Variants in NRG2 observed in about 807,000 individuals in gnomAD.
NRG2 encodes the protein neuregulin 2.
A neutral mutation model predicts 73.9 loss-of-function variants in NRG2; 27 were observed. The ratio of observed to expected loss-of-function variants is 0.37; its 90% CI spans 0.27 to 0.50. The LOEUF is 0.50. Among genes scored for constraint, NRG2 ranks in the 20% least tolerant of loss-of-function variants. The pLI, the probability that NRG2 is intolerant of heterozygous loss-of-function variation, is 0.96. For synonymous variants in NRG2, 532 were observed against 541.0 expected (o/e 0.98, Z 0.23); for missense variants, 1,126 against 1,210.1 (o/e 0.93, Z 1.03).
chr5:139,964,204 C>T (rs1014882625), intron 1 of NRG2, among the ~76,000 whole-genome samples: 2 of 152,254 alleles, frequency 1.3e-5, no homozygotes, highest in African/African-American at 4.8e-5. Flanking sequence ...AAAAGCAGAT[C>T]AAAGAAAGGT....
chr5:140,014,385 C>T (rs1342691401), intron 1 of NRG2, among the ~76,000 whole-genome samples: 3 of 152,050 alleles, frequency 2.0e-5, no homozygotes, highest in Non-Finnish European at 4.4e-5. Flanking sequence ...TACAGGCATG[C>T]ACCACCATGC....
At chr5:139,999,095 G>T (rs139046074) in intron 1 of NRG2, among the ~76,000 whole-genome samples, 2,115 of 152,248 alleles carry the variant, frequency 0.014, 21 homozygotes, top group Non-Finnish European at 0.021. Context: ...GCTAGCTGGA[G>T]TTCCTCATCC....
intron 1 of NRG2, among the ~76,000 whole-genome samples, chr5:139,987,796 C>T (rs570697345): frequency 2.4e-5 from 3 of 123,818 alleles, no homozygotes; most frequent in Non-Finnish European, 3.2e-5. Flanking sequence ...TTTTTTGAGA[C>T]GAGAGTCTCA....
intron 2 of NRG2, among the ~76,000 whole-genome samples, chr5:139,886,676 C>G (rs1262438214): frequency 6.6e-6 from 1 of 152,214 alleles, no homozygotes; most frequent in Admixed American, 6.5e-5. Flanking sequence ...CTAGCGGCTT[C>G]TCTGGTGCCA....
chr5:139,855,538 G>A (rs1233803707), intron 6 of NRG2, 138 bp downstream of exon 6: 2 of 711,214 alleles, frequency 2.8e-6, no homozygotes, highest in African/African-American at 1.7e-5. Context: ...CAGCTACAGA[G>A]GCCCCCGAGG....
At chr5:139,892,295 C>T (rs562045338) in intron 1 of NRG2, among the ~76,000 whole-genome samples, 1 of 152,298 alleles carries the variant, frequency 6.6e-6, no homozygotes, top group East Asian at 1.9e-4. Context: ...CAAGATGGCC[C>T]TGGATTGGTT....
Position 139,851,453 on chromosome 5 carries a change from C to T in NRG2, c.1772+151G>A. 1.4e-6 allele frequency: 1 copy of T among 731,782 alleles called. No homozygotes were observed. The allele number at this position is 731,782 out of a possible 1,614,324, so 45.3% of individuals were successfully genotyped here. On this transcript the variant is annotated intron_variant, in intron 9 of 9. Coordinates refer to ENST00000361474, the MANE Select transcript of NRG2 (RefSeq NM_004883.3). The surrounding 1 kb of genome is among the most constrained non-coding windows in gnomAD (Gnocchi z 4.2). The stretch of plus-strand genomic sequence containing the variant: ...AACATGCCGATGGCTCTGAGCAGGC[C>T]ATTTCACCTTTTCTAGGACCTTGTT...
At chr5:140,036,440 G>T (rs1218848901) in intron 1 of NRG2, among the ~76,000 whole-genome samples, 4 of 152,030 alleles carry the variant, frequency 2.6e-5, no homozygotes, top group Non-Finnish European at 4.4e-5. Flanking sequence ...AACCTGACAT[G>T]GAGCTCTAGT....
chr5:140,027,446 G>A (rs1760783984), intron 1 of NRG2, among the ~76,000 whole-genome samples: 1 of 152,200 alleles, frequency 6.6e-6, no homozygotes, highest in Non-Finnish European at 1.5e-5. Flanking sequence ...GTCTAAGGCA[G>A]TAAACCCCAA....
chr5:140,001,224 T>C (rs1455886351), intron 1 of NRG2, among the ~76,000 whole-genome samples: 1 of 152,184 alleles, frequency 6.6e-6, no homozygotes, highest in Admixed American at 6.5e-5. Context: ...ATAACTAGCC[T>C]AAAAAAGCTT....
At chr5:139,922,336 G>A (rs1751735683) in intron 1 of NRG2, among the ~76,000 whole-genome samples, 1 of 152,238 alleles carries the variant, frequency 6.6e-6, no homozygotes, top group South Asian at 2.1e-4. Flanking sequence ...TGGCAAATAA[G>A]CATATGAGAA....
intron 1 of NRG2, among the ~76,000 whole-genome samples, chr5:139,969,061 C>G (rs1755790600): frequency 2.0e-5 from 3 of 152,238 alleles, no homozygotes; most frequent in Non-Finnish European, 2.9e-5. Flanking sequence ...GCCCACAGTC[C>G]TAGCCTAGAA....
At chr5:140,010,282 A>C (rs907469015) in intron 1 of NRG2, among the ~76,000 whole-genome samples, 9 of 151,594 alleles carry the variant, frequency 5.9e-5, no homozygotes, top group Non-Finnish European at 1.0e-4. Flanking sequence ...TGAGTGACAC[A>C]GCGAGACTGT....
intron 1 of NRG2, among the ~76,000 whole-genome samples, chr5:139,907,118 G>A (rs886849208): frequency 1.3e-5 from 2 of 152,172 alleles, no homozygotes; most frequent in Non-Finnish European, 2.9e-5. Context: ...AGGTGTGTGT[G>A]TGTACACGTG....
chr5:139,947,197 C>T (rs1753857328), intron 1 of NRG2, among the ~76,000 whole-genome samples: 1 of 152,112 alleles, frequency 6.6e-6, no homozygotes, highest in Non-Finnish European at 1.5e-5. Context: ...AATTTTAGAA[C>T]ATTTTATCAA....
Position 139,861,125 on chromosome 5 carries a change from G to C in NRG2, c.1189+4424C>G, listed in dbSNP as rs372347315. Reference sequence around the variant, plus strand: ...GGTAAGCCATAATCCCTGTTTCCTTGTCTGTCCAAAGTGCTTGCACACAGC... The same window carrying C: ...GGTAAGCCATAATCCCTGTTTCCTTCTCTGTCCAAAGTGCTTGCACACAGC... On this transcript the variant is annotated intron_variant, in intron 5 of 9. Coordinates refer to ENST00000361474, the MANE Select transcript of NRG2 (RefSeq NM_004883.3). Among the ~76,000 whole-genome samples, 20 of 152,298 alleles carry C rather than the reference G, an allele frequency of 1.3e-4. No individual in the cohort carries two copies. In the East Asian group the frequency reaches 2.9e-3, roughly 22 times the overall value.
At chr5:139,970,957 T>C (rs940011768) in intron 1 of NRG2, among the ~76,000 whole-genome samples, 1 of 152,150 alleles carries the variant, frequency 6.6e-6, no homozygotes, top group Non-Finnish European at 1.5e-5. Flanking sequence ...CTTTTTTTTT[T>C]ATTTTTTCCC....
At chr5:139,940,812 T>G (rs751962716) in intron 1 of NRG2, among the ~76,000 whole-genome samples, 1 of 152,134 alleles carries the variant, frequency 6.6e-6, no homozygotes, top group Non-Finnish European at 1.5e-5. Flanking sequence ...TTTTCCATCA[T>G]GCATTCTTGG....
intron 1 of NRG2, among the ~76,000 whole-genome samples, chr5:139,908,497 C>T (rs970403036): frequency 5.3e-5 from 8 of 152,206 alleles, no homozygotes; most frequent in African/African-American, 1.9e-4. Context: ...TCACTTAATT[C>T]TTCACAACAC....
Sources: allele counts gnomAD v4.1 joint callset (sites outside exome capture counted in the v4.1 genomes callset), GRCh38; gene constraint gnomAD v4.1.1; non-coding constraint Gnocchi (gnomAD v3.1); transcripts MANE v1.5; gene names NCBI Gene and HGNC (gene_info 2026-07-23, HGNC 2026-07-21).